CA10: variants seen among roughly 807,000 people sequenced by gnomAD.
The protein encoded by CA10 is carbonic anhydrase 10 (inactive).
A neutral mutation model predicts 44.2 loss-of-function variants in CA10; 14 were observed. The ratio of observed to expected loss-of-function variants is 0.32; its 90% confidence interval spans 0.21 to 0.50. CA10 has a LOEUF of 0.50. Ranked by LOEUF, CA10 falls within the 20% of genes least tolerant of loss-of-function variation. CA10 has a pLI of 0.99. For synonymous variants in CA10, 159 were observed against 141.6 expected (o/e 1.12, Z -0.87); for missense variants, 350 against 409.7 (o/e 0.85, Z 1.26).
chr17:51,734,848 T>G (rs2143571520), intron 4 of CA10, among the ~76,000 whole-genome samples: 1 of 152,252 alleles, frequency 6.6e-6, no homozygotes, highest in Non-Finnish European at 1.5e-5. Context: ...TTTTCACCGT[T>G]CTGGAGGATG....
intron 3 of CA10, among the ~76,000 whole-genome samples, chr17:51,806,204 A>G (rs1178381994): frequency 6.6e-6 from 1 of 152,168 alleles, no homozygotes; most frequent in Non-Finnish European, 1.5e-5. Context: ...TAAAGAATTG[A>G]GCAGTTTTGT....
At chr17:51,724,132 A>G (rs1916440861) in intron 4 of CA10, among the ~76,000 whole-genome samples, 1 of 152,250 alleles carries the variant, frequency 6.6e-6, no homozygotes, top group African/African-American at 2.4e-5. Context: ...TTCAGTAAAC[A>G]GTTATTTTAA....
At position 52,069,257 on chromosome 17, in the gene CA10, C is replaced by T. The variant is rs150316287; in HGVS notation, c.136+3062G>A. On this transcript the variant is annotated intron_variant, in intron 2 of 8. Transcript: ENST00000451037. ...CAAATGGACACATCAAATTAGCCAT[C>T]ACAATGTCTAAACCAATTACTGAGA... Among the ~76,000 whole-genome samples, 183 of 152,276 alleles carry T rather than the reference C, an allele frequency of 1.2e-3. 5 individuals carry two copies. In the South Asian group the frequency reaches 0.023, roughly 19 times the overall value.
At position 51,867,066 on chromosome 17, in the gene CA10, C is replaced by G. The variant is rs1163558830; in HGVS notation, c.279+63924G>C. On this transcript the variant is annotated intron_variant, in intron 3 of 8. Coordinates refer to ENST00000451037, the MANE Select transcript of CA10 (RefSeq NM_020178.5). ...CAATGAGATTGACATATTTCTTTGG[C>G]TCCCCTGTGCTATTAAAAAAAAAAG... is the stretch of plus-strand genomic sequence containing the variant. 2.6e-5 allele frequency among the ~76,000 whole-genome samples: 4 copies of G among 152,006 alleles called. No homozygotes were observed. The East Asian group carries it at 5.8e-4, about 22-fold the overall frequency.
At chr17:51,854,918 A>G (rs943227996) in intron 3 of CA10, among the ~76,000 whole-genome samples, 5 of 152,128 alleles carry the variant, frequency 3.3e-5, no homozygotes, top group African/African-American at 1.2e-4. Flanking sequence ...TTTTTACCCC[A>G]ATTTCACAGA....
chr17:51,760,586 G>C (rs912847720), intron 3 of CA10, among the ~76,000 whole-genome samples: 10 of 152,154 alleles, frequency 6.6e-5, no homozygotes, highest in Non-Finnish European at 1.3e-4. Context: ...AGGAGGGGAT[G>C]GGATGCGAGA....
chr17:52,091,229 A>C (rs1434435366), intron 1 of CA10, among the ~76,000 whole-genome samples: 1 of 152,142 alleles, frequency 6.6e-6, no homozygotes, highest in Non-Finnish European at 1.5e-5. Flanking sequence ...TGATGAAGTG[A>C]AGTTAATTTT....
intron 1 of CA10, among the ~76,000 whole-genome samples, chr17:52,080,534 C>G (rs897628399): frequency 3.3e-5 from 5 of 150,832 alleles, no homozygotes; most frequent in Non-Finnish European, 7.4e-5. Context: ...TCAAAGGTAA[C>G]TAGACTTGAA....
chr17:51,980,154 A>G (rs182773262), intron 2 of CA10, among the ~76,000 whole-genome samples: 10 of 152,292 alleles, frequency 6.6e-5, no homozygotes, highest in African/African-American at 2.2e-4. Flanking sequence ...CCAACAGTGT[A>G]TAAGTGTTTC....
chr17:51,703,382 A>T (rs1915662099), intron 4 of CA10, among the ~76,000 whole-genome samples: 1 of 152,106 alleles, frequency 6.6e-6, no homozygotes, highest in African/African-American at 2.4e-5. Flanking sequence ...TGATATTCCA[A>T]ACTGGGAGTG....
chr17:51,694,107 G>A (rs1915316622), intron 4 of CA10, among the ~76,000 whole-genome samples: 1 of 152,042 alleles, frequency 6.6e-6, no homozygotes, highest in African/African-American at 2.4e-5. Flanking sequence ...GGGAGGCTGA[G>A]GCAGGAGAAT....
At chr17:52,104,821 G>A (rs903513186) in intron 1 of CA10, among the ~76,000 whole-genome samples, 3 of 152,174 alleles carry the variant, frequency 2.0e-5, no homozygotes, top group East Asian at 1.9e-4. Flanking sequence ...AGGGCTTTCC[G>A]TCGATTCATC....
chr17:51,705,333 T>C (rs533350341), intron 4 of CA10, among the ~76,000 whole-genome samples: 1 of 152,314 alleles, frequency 6.6e-6, no homozygotes, highest in African/African-American at 2.4e-5. Flanking sequence ...CATAGATCAA[T>C]GTTTCTTCCT....
intron 1 of CA10, among the ~76,000 whole-genome samples, chr17:52,125,563 T>C (rs561426830): frequency 5.9e-5 from 9 of 152,294 alleles, no homozygotes; most frequent in African/African-American, 2.2e-4. Flanking sequence ...GAGTACCCTA[T>C]ATGTAAATCT....
intron 3 of CA10, among the ~76,000 whole-genome samples, chr17:51,790,042 C>T (rs1485767502): frequency 1.3e-5 from 2 of 152,160 alleles, no homozygotes; most frequent in Non-Finnish European, 2.9e-5. Context: ...GAAGCTGGGT[C>T]AGTGTCTAAC....
intron 3 of CA10, among the ~76,000 whole-genome samples, chr17:51,796,679 A>G (rs546186467): frequency 6.6e-6 from 1 of 152,256 alleles, no homozygotes; most frequent in Admixed American, 6.5e-5. Flanking sequence ...GGGTGTCTGG[A>G]ACTCTTCAAA....
intron 4 of CA10, among the ~76,000 whole-genome samples, chr17:51,675,851 T>C (rs1914611533): frequency 6.6e-6 from 1 of 152,212 alleles, no homozygotes; most frequent in African/African-American, 2.4e-5. Context: ...GCAATTACTT[T>C]TGTACCCAAC....
At chr17:51,747,472 G>C (rs565570005) in intron 4 of CA10, among the ~76,000 whole-genome samples, 161 bp downstream of exon 4, 1 of 152,212 alleles carries the variant, frequency 6.6e-6, no homozygotes, top group Non-Finnish European at 1.5e-5. Context: ...TATTGACTTC[G>C]ATGTCAATTT....
Position 52,051,111 on chromosome 17 carries a change from G to GAAGAAAAGAA in CA10, c.136+21198_136+21207dup, listed in dbSNP as rs3062841. ...GAGTGGGAAGGGAGGAAGGAAGGAAGAAGAAAAGAAAAGAAAAGAAAGGAA... is the reference window on the plus strand; with the variant it reads ...GAGTGGGAAGGGAGGAAGGAAGGAAGAAGAAAAGAAAAGAAAAGAAAAGAAAAGAAAGGAA... On this transcript the variant is annotated intron_variant, in intron 2 of 8. Coordinates refer to ENST00000451037, the MANE Select transcript of CA10 (RefSeq NM_020178.5). Among the ~76,000 whole-genome samples the GAAGAAAAGAA allele has an allele frequency of 8.5e-4, 125 of 147,106 alleles. 1 individual carries two copies. Among genetic ancestry groups the GAAGAAAAGAA allele is most frequent in the East Asian group, 4.9e-3 (24 of 4,892 alleles).
Sources: gnomAD v4.1 joint callset for allele counts (sites outside exome capture counted in the v4.1 genomes callset) on GRCh38, gnomAD v4.1.1 for gene constraint, MANE v1.5 for transcripts, NCBI Gene and HGNC (gene_info 2026-07-23, HGNC 2026-07-21) for gene names.